The following IL1RL1 variants were observed in gnomAD, a reference collection of about 807,000 sequenced individuals.
The protein encoded by IL1RL1 is interleukin 1 receptor like 1.
In IL1RL1, 32 loss-of-function variants were observed where a neutral mutation model predicts 50.9. The ratio of observed to expected loss-of-function variants is 0.63; its 90% CI spans 0.47 to 0.84. The LOEUF (loss-of-function observed/expected upper bound fraction) is 0.84, where lower values mean the gene tolerates loss of function less well. IL1RL1 is among the 40% of genes least tolerant of loss of function. The pLI, the probability that IL1RL1 is intolerant of heterozygous loss-of-function variation, is 0.00. For synonymous variants in IL1RL1, 275 were observed against 236.0 expected, an observed-to-expected ratio of 1.17 and a Z score of -1.51; for missense variants, 773 against 662.9, an observed-to-expected ratio of 1.17 and a Z score of -1.82.
At chr2:102,328,240 A>G (rs1677070748) in intron 1 of IL1RL1, among the ~76,000 whole-genome samples, 1 of 152,194 alleles carries the variant, frequency 6.6e-6, no homozygotes, top group Admixed American at 6.5e-5. Flanking sequence ...TATAAACAGA[A>G]CCAATGACAA....
chr2:102,341,233 G>C, intron 5 of IL1RL1: 1 of 1,215,550 alleles, frequency 8.2e-7, no homozygotes, highest in Non-Finnish European at 1.0e-6. Flanking sequence ...TTAATCTTTA[G>C]TAATACTCAT....
chr2:102,332,088 T>C (rs146853012), intron 1 of IL1RL1, among the ~76,000 whole-genome samples: 22 of 152,084 alleles, frequency 1.4e-4, no homozygotes, highest in African/African-American at 5.3e-4. Flanking sequence ...ATAATAATGA[T>C]AATAAGTAAA....
chr2:102,311,859 T>TTATATATTATATATTATACTATATAA (rs1559591841), intron 1 of IL1RL1, among the ~76,000 whole-genome samples: 2 of 45,544 alleles, frequency 4.4e-5, no homozygotes, highest in Non-Finnish European at 8.7e-5. Flanking sequence ...TATAATATAA[T>TTATATATTATATATTATACTATATAA]TATATAATAT....
Position 102,343,164 on chromosome 2 carries a change from G to A in IL1RL1, c.811G>A (p.Gly271Arg). Residue 271 changes from glycine (G) to arginine (R), a missense_variant, in exon 7 of 11, where the codon GGG becomes AGG. Coordinates refer to ENST00000233954, the MANE Select transcript of IL1RL1 (RefSeq NM_016232.5). ...TGAACCAAGAATTCAACAAGAGGAAGGGCAAAATCAAAGGTATTTTTATAT... is the reference window on the plus strand; with the variant it reads ...TGAACCAAGAATTCAACAAGAGGAAAGGCAAAATCAAAGGTATTTTTATAT... ...FGEPRIQQEE[G>R]QNQSFSNGLA... 6.2e-7 allele frequency: 1 copy of A among 1,614,084 alleles called. No homozygotes were observed. Among genetic ancestry groups the A allele is most frequent in the African/African-American group, 1.3e-5 (1 of 75,020 alleles).
rs1357280509 is a variant in IL1RL1, at chr2:102,338,895, A to C, written c.120A>C (p.Gly40=). 1 of 1,613,816 alleles carries C rather than the reference A, an allele frequency of 6.2e-7. No individual in the cohort carries two copies. Among genetic ancestry groups the C allele is most frequent in the Non-Finnish European group, 8.5e-7 (1 of 1,179,834 alleles). ...EALIVRCPRQ[G]KPSYTVDWYY... is the part of the protein sequence containing the mutation. ...TAATTGTAAGATGTCCTAGACAAGG[A>C]AAACCTAGTTACACCGTGGATTGGT... The change falls in exon 3 of 11, where the codon GGA becomes GGC. Residue 40 remains glycine (G), a synonymous_variant. Coordinates refer to ENST00000233954, the MANE Select transcript of IL1RL1 (RefSeq NM_016232.5).
chr2:102,315,979 T>C (rs1676661862), intron 1 of IL1RL1, among the ~76,000 whole-genome samples: 1 of 152,234 alleles, frequency 6.6e-6, no homozygotes, highest in Non-Finnish European at 1.5e-5. Context: ...ATTTTCTTTG[T>C]CTTCAGGCTG....
Position 102,351,647 on chromosome 2 carries a change from T to C in IL1RL1, c.1397T>C (p.Leu466Pro), listed in dbSNP as rs756323405. 6.2e-7 allele frequency: 1 copy of C among 1,614,146 alleles called. No homozygotes were observed. Among genetic ancestry groups the C allele is most frequent in the Admixed American group, 1.7e-5 (1 of 60,006 alleles). Residue 466 changes from leucine (L) to proline (P), a missense_variant, in exon 11 of 11, where the codon CTG becomes CCG. By Grantham distance (98) the Leu-to-Pro change is moderately conservative. Coordinates refer to ENST00000233954, the MANE Select transcript of IL1RL1 (RefSeq NM_016232.5). ...KEFAYEQEVA[L>P]HCALIQNDAK... is the part of the protein sequence containing the mutation. ...TTTGCCTACGAGCAGGAGGTTGCCC[T>C]GCACTGTGCCCTCATCCAGAACGAC...
chr2:102,335,031 A>G (rs1171061427), intron 1 of IL1RL1, among the ~76,000 whole-genome samples: 1 of 152,210 alleles, frequency 6.6e-6, no homozygotes, highest in African/African-American at 2.4e-5. Context: ...GATTAATCTG[A>G]AAAGGGAGAG....
intron 1 of IL1RL1, chr2:102,312,975 A>G (rs1318307752): frequency 6.6e-6 from 1 of 152,080 alleles, no homozygotes; most frequent in East Asian, 1.9e-4. Context: ...CCTGAGGCCA[A>G]ACTATTCACA....
At chr2:102,329,264 G>T (rs1419911918) in intron 1 of IL1RL1, among the ~76,000 whole-genome samples, 3 of 152,190 alleles carry the variant, frequency 2.0e-5, no homozygotes, top group Non-Finnish European at 4.4e-5. Context: ...AACAAAGGGT[G>T]CTGGGATATC....
rs112487010 is a variant in IL1RL1 at position 102,330,904 on chromosome 2, A to C, written c.-149-7212A>C. Among the ~76,000 whole-genome samples, 183 of 152,328 alleles carry C rather than the reference A, an allele frequency of 1.2e-3. 1 individual carries two copies. Among genetic ancestry groups the C allele is most frequent in the Non-Finnish European group, 1.5e-3 (100 of 68,030 alleles). ...TCAGGTTTAAGATGTTCTGTTATGT[A>C]ATACAATCCATTTTTATTTCATTTT... On this transcript the variant is annotated intron_variant, in intron 1 of 10. Transcript: ENST00000233954.
chr2:102,333,016 G>A (rs1677216632), intron 1 of IL1RL1, among the ~76,000 whole-genome samples: 1 of 152,084 alleles, frequency 6.6e-6, no homozygotes, highest in African/African-American at 2.4e-5. Context: ...CAGCAATGAG[G>A]ATACGGGGTT....
intron 2 of IL1RL1, 59 bp downstream of exon 2, chr2:102,338,384 AT>A: frequency 1.9e-6 from 2 of 1,031,216 alleles, no homozygotes; most frequent in Non-Finnish European, 2.9e-6. Flanking sequence ...TTTCAAGAAC[AT>A]TTACCTTGTT....
intron 1 of IL1RL1, among the ~76,000 whole-genome samples, chr2:102,313,856 C>T (rs573093794): frequency 3.4e-4 from 51 of 152,124 alleles, no homozygotes; most frequent in Admixed American, 7.2e-4. Context: ...CACTTGCATG[C>T]GCGTGCATGT....
chr2:102,321,560 C>A (rs1676838377), intron 1 of IL1RL1, among the ~76,000 whole-genome samples: 1 of 152,128 alleles, frequency 6.6e-6, no homozygotes, highest in Non-Finnish European at 1.5e-5. Context: ...GAGTCAATAG[C>A]CACTGCCCCC....
intron 8 of IL1RL1, among the ~76,000 whole-genome samples, chr2:102,347,671 C>A (rs969285171): frequency 6.6e-6 from 1 of 152,170 alleles, no homozygotes; most frequent in Non-Finnish European, 1.5e-5. Context: ...ACTCCTCTGC[C>A]AGCAAAAATC....
chr2:102,343,231 T>A (rs1418622385), intron 7 of IL1RL1, 39 bp from the exon 8 acceptor site: 3 of 1,613,984 alleles, frequency 1.9e-6, no homozygotes, highest in East Asian at 2.2e-5. Context: ...GGTTTGCACC[T>A]GCAAAGTAGG....
At chr2:102,317,544 A>G (rs1439162852) in intron 1 of IL1RL1, among the ~76,000 whole-genome samples, 1 of 152,156 alleles carries the variant, frequency 6.6e-6, no homozygotes, top group East Asian at 1.9e-4. Context: ...ACAAAGTGGT[A>G]GTTGATGAGT....
At chr2:102,346,041 A>T in intron 8 of IL1RL1, 1 of 979,928 alleles carries the variant, frequency 1.0e-6, no homozygotes, top group Non-Finnish European at 1.2e-6. Context: ...CTTTAAATCA[A>T]CATGGTTACA....
Sources: allele counts gnomAD v4.1 joint callset (sites outside exome capture counted in the v4.1 genomes callset), GRCh38; gene constraint gnomAD v4.1.1; transcripts MANE v1.5; gene names NCBI Gene and HGNC (gene_info 2026-07-23, HGNC 2026-07-21).